Variants in TMEM98 observed in about 807,000 individuals in gnomAD.
The protein encoded by TMEM98 is transmembrane protein 98.
TMEM98 carries 18 observed loss-of-function variants against 25.0 expected under a neutral mutation model. The ratio of observed to expected loss-of-function variants is 0.72; its 90% CI spans 0.50 to 1.07. The LOEUF (loss-of-function observed/expected upper bound fraction) is 1.07, where lower values mean the gene tolerates loss of function less well. Among genes scored for constraint, TMEM98 ranks in the 50% least tolerant of loss-of-function variants. TMEM98 has a pLI of 0.00. For synonymous variants in TMEM98, 103 were observed against 112.4 expected (o/e 0.92, Z 0.53); for missense variants, 241 against 289.0 (o/e 0.83, Z 1.20).
rs1441432121 is a variant in TMEM98, at chr17:32,942,130, A to T, written c.*1137A>T. 1 of 152,224 alleles carries T rather than the reference A, an allele frequency of 6.6e-6. No homozygotes were observed. The highest frequency in any genetic ancestry group is 1.5e-5 in the Non-Finnish European group (1 of 68,042). The allele number at this position is 152,224 out of a possible 1,614,324, so 9.4% of individuals were successfully genotyped here. ...AGCACTATGAAGTAGTTTCCACATT[A>T]ACAATAGCAATGACTTGAACGATGT... On this transcript the variant is annotated 3_prime_UTR_variant, in exon 8 of 8. Coordinates refer to ENST00000579849, the MANE Select transcript of TMEM98 (RefSeq NM_015544.3).
chr17:32,931,689 G>A (rs1192391041), intron 3 of TMEM98, 30 bp downstream of exon 3: 2 of 1,596,866 alleles, frequency 1.3e-6, no homozygotes, highest in South Asian at 2.3e-5. Context: ...GCAAGGAGGA[G>A]GGGTGGGCTC....
At chr17:32,940,699 ACT>A in intron 7 of TMEM98, 85 bp from the exon 8 acceptor site, 1 of 1,274,272 alleles carries the variant, frequency 7.8e-7, no homozygotes, top group African/African-American at 1.5e-5. Flanking sequence ...TTTGGGGAAT[ACT>A]AGTCAAAAAG....
In TMEM98 at chr17:32,940,965, G is replaced by C; in HGVS notation, c.653G>C (p.Gly218Ala). Residue 218 changes from glycine (G) to alanine (A), a missense_variant, in exon 8 of 8, where the codon GGC becomes GCC. By Grantham distance (60) the Gly-to-Ala change is moderately conservative. Transcript: ENST00000579849. ...GATAAAGGCCTCCCAGGCCCTGAAG[G>C]CTTCCTGCAGGAGCAGTCTGCAATT... ...EPDKGLPGPEGFLQEQSAI is the reference protein window; with the variant it reads ...EPDKGLPGPEAFLQEQSAI 1 of 1,611,974 alleles carries C rather than the reference G, an allele frequency of 6.2e-7. No homozygotes were observed. The highest frequency in any genetic ancestry group is 8.5e-7 in the Non-Finnish European group (1 of 1,179,414).
chr17:32,931,449 C>G (rs1473729132), intron 2 of TMEM98, 26 bp from the exon 3 acceptor site: 2 of 1,538,918 alleles, frequency 1.3e-6, no homozygotes, highest in Admixed American at 3.9e-5. Flanking sequence ...TTGACCAGAT[C>G]TGCTCTGACT....
At chr17:32,929,481 A>G (rs953391961) in intron 1 of TMEM98, among the ~76,000 whole-genome samples, 6 of 152,304 alleles carry the variant, frequency 3.9e-5, no homozygotes, top group African/African-American at 9.6e-5. Context: ...AAAGAGAAAC[A>G]GAGATAAAGG....
At chr17:32,940,511 A>C (rs2346384) in intron 7 of TMEM98, among the ~76,000 whole-genome samples, 3,403 of 152,294 alleles carry the variant, frequency 0.022, 65 homozygotes, top group Middle Eastern at 0.051. Flanking sequence ...CACAGTCTTA[A>C]ATAAGCTTGT....
chr17:32,936,655 C>T (rs1225117782), intron 6 of TMEM98, among the ~76,000 whole-genome samples: 1 of 152,214 alleles, frequency 6.6e-6, no homozygotes, highest in African/African-American at 2.4e-5. Context: ...CCACCTGCAG[C>T]ATGACCCATC....
chr17:32,933,334 G>C, intron 4 of TMEM98, 29 bp downstream of exon 4: 1 of 1,613,410 alleles, frequency 6.2e-7, no homozygotes, highest in Non-Finnish European at 8.5e-7. Flanking sequence ...TTTGCTTCCG[G>C]GCTTCTGGCA....
chr17:32,938,169 C>G (rs1042547114), intron 6 of TMEM98, among the ~76,000 whole-genome samples: 1 of 152,186 alleles, frequency 6.6e-6, no homozygotes. Context: ...TAGAATGCTC[C>G]GTGCCATAAT....
Position 32,942,787 on chromosome 17 carries a change from C to CT in TMEM98, c.*1797dup, listed in dbSNP as rs1483787110. ...TGAATGGGGAATGTATACAAAGTCA[C>CT]TTTGACTTTTCTATTTGAGGCCTCC... On this transcript the variant is annotated 3_prime_UTR_variant, in exon 8 of 8. Coordinates refer to ENST00000579849, the MANE Select transcript of TMEM98 (RefSeq NM_015544.3). 6.6e-6 allele frequency: 1 copy of CT among 152,218 alleles called. No individual in the cohort carries two copies. The highest frequency in any genetic ancestry group is 6.5e-5 in the Admixed American group (1 of 15,282). 9.4% of individuals were successfully genotyped at this position (152,218 alleles called of 1,614,324 possible).
Position 32,931,415 on chromosome 17 carries a change from T to C in TMEM98, c.-55+13T>C. ...CCACTTCCAGCAGGTAAGACCCACC[T>C]GTCCCACTCTCTTTCGTGGCTTCTT... On this transcript the variant is annotated intron_variant, in intron 2 of 7. Coordinates refer to ENST00000579849, the MANE Select transcript of TMEM98 (RefSeq NM_015544.3). The C allele has an allele frequency of 6.9e-7, 1 of 1,439,640 alleles. No homozygotes were observed. Among genetic ancestry groups the C allele is most frequent in the South Asian group, 1.4e-5 (1 of 70,578 alleles). The allele number at this position is 1,439,640 out of a possible 1,614,324, so 89.2% of individuals were successfully genotyped here.
chr17:32,928,750 TCACA>T (rs971404300), intron 1 of TMEM98, among the ~76,000 whole-genome samples: 5 of 138,116 alleles, frequency 3.6e-5, no homozygotes, highest in African/African-American at 5.6e-5. Flanking sequence ...AACACTCAGG[TCACA>T]CACACAAGCA....
intron 1 of TMEM98, among the ~76,000 whole-genome samples, chr17:32,930,322 C>G (rs2091460621): frequency 6.6e-6 from 1 of 152,196 alleles, no homozygotes; most frequent in Admixed American, 6.5e-5. Flanking sequence ...CCAGAGGCAG[C>G]TACTGTTATC....
In TMEM98 at chr17:32,939,545, A is replaced by C. The variant is rs752518664; in HGVS notation, c.473+9A>C. On this transcript the variant is annotated intron_variant, in intron 7 of 7. Transcript: ENST00000579849. The stretch of plus-strand genomic sequence containing the variant: ...AAACTCCTGGACGCACGGTGAGACC[A>C]GGGGTGGGTGCATGTTCGGTTTTTC... 1.2e-6 allele frequency: 2 copies of C among 1,613,938 alleles called. No homozygotes were observed. Among genetic ancestry groups the C allele is most frequent in the Non-Finnish European group, 1.7e-6 (2 of 1,179,936 alleles).
chr17:32,939,785 C>G (rs752881157), intron 7 of TMEM98, among the ~76,000 whole-genome samples: 1 of 152,210 alleles, frequency 6.6e-6, no homozygotes, highest in Non-Finnish European at 1.5e-5. Flanking sequence ...GATTAGACTT[C>G]CGGCCATGTT....
chr17:32,938,202 CT>C (rs2151114095), intron 6 of TMEM98, among the ~76,000 whole-genome samples: 1 of 152,292 alleles, frequency 6.6e-6, no homozygotes, highest in South Asian at 2.1e-4. Context: ...CTGCTTTGTC[CT>C]TTTGCCCTCA....
intron 7 of TMEM98, among the ~76,000 whole-genome samples, 188 bp from the exon 8 acceptor site, chr17:32,940,598 C>T (rs557249345): frequency 6.6e-5 from 10 of 152,148 alleles, no homozygotes; most frequent in Non-Finnish European, 7.4e-5. Context: ...CTTCAGTTAA[C>T]CATGTTTAAC....
chr17:32,934,539 G>T (rs1210680980), intron 5 of TMEM98, among the ~76,000 whole-genome samples: 1 of 152,094 alleles, frequency 6.6e-6, no homozygotes, highest in Non-Finnish European at 1.5e-5. Context: ...ATTTCATCTG[G>T]TCGTCTTAAT....
At chr17:32,940,745 A>G (rs2091525068) in intron 7 of TMEM98, 41 bp from the exon 8 acceptor site, 1 of 1,587,582 alleles carries the variant, frequency 6.3e-7, no homozygotes, top group African/African-American at 1.4e-5. Context: ...AAAGTCCCTC[A>G]TTTCCTAGGA....
Sources: allele counts gnomAD v4.1 joint callset (sites outside exome capture counted in the v4.1 genomes callset), GRCh38; gene constraint gnomAD v4.1.1; transcripts MANE v1.5; gene names NCBI Gene and HGNC (gene_info 2026-07-23, HGNC 2026-07-21).